PGCKA1: variants seen among roughly 807,000 people sequenced by gnomAD.
The protein encoded by PGCKA1 is PDCD10 and GCKIII kinases-associated protein 1.
At chr4:37,577,156 T>A in the PGCKA1 span, among the ~76,000 whole-genome samples, 1 of 152,162 alleles carries the variant, frequency 6.6e-6, no homozygotes, top group Non-Finnish European at 1.5e-5. Flanking sequence ...TGAGTAGGAT[T>A]GGTATTAGTT....
chr4:37,550,956 T>G, the PGCKA1 span, among the ~76,000 whole-genome samples: 1 of 152,094 alleles, frequency 6.6e-6, no homozygotes. Context: ...AAGAAAAAAT[T>G]CACTCATTCT....
At chr4:37,471,856 G>A in the PGCKA1 span, among the ~76,000 whole-genome samples, 3 of 152,100 alleles carry the variant, frequency 2.0e-5, no homozygotes, top group Admixed American at 2.0e-4. Context: ...TTCATTCTGG[G>A]GGCAAGAAAC....
the PGCKA1 span, among the ~76,000 whole-genome samples, chr4:37,569,876 C>T: frequency 6.6e-6 from 1 of 152,050 alleles, no homozygotes; most frequent in Non-Finnish European, 1.5e-5. Context: ...CCGTCAAAGC[C>T]AGCGCTAGAC....
the PGCKA1 span, among the ~76,000 whole-genome samples, chr4:37,477,571 T>C: frequency 6.6e-6 from 1 of 152,178 alleles, no homozygotes; most frequent in African/African-American, 2.4e-5. Context: ...TCAATATAGC[T>C]GTTAAAAATA....
chr4:37,553,868 C>T, the PGCKA1 span, among the ~76,000 whole-genome samples: 1 of 152,296 alleles, frequency 6.6e-6, no homozygotes, highest in African/African-American at 2.4e-5. Flanking sequence ...GAAACCATGG[C>T]TTTCTCTACT....
chr4:37,553,577 T>TATGTA, the PGCKA1 span, among the ~76,000 whole-genome samples: 53 of 152,358 alleles, frequency 3.5e-4, no homozygotes, highest in African/African-American at 1.3e-3. Context: ...ACCATTATCT[T>TATGTA]ACGTAACACA....
At chr4:37,567,090 A>G in the PGCKA1 span, among the ~76,000 whole-genome samples, 4 of 152,322 alleles carry the variant, frequency 2.6e-5, no homozygotes, top group East Asian at 7.7e-4. Context: ...ATAAAATAAA[A>G]TAAACTTACT....
At chr4:37,522,688 A>C in the PGCKA1 span, among the ~76,000 whole-genome samples, 2 of 152,004 alleles carry the variant, frequency 1.3e-5, no homozygotes, top group Non-Finnish European at 2.9e-5. Flanking sequence ...TTCAGTTAGC[A>C]GGTGATGAAT....
chr4:37,570,405 C>A, the PGCKA1 span, among the ~76,000 whole-genome samples: 1 of 115,144 alleles, frequency 8.7e-6, no homozygotes. Context: ...AAAGACTGCC[C>A]AAAAGAGTAG....
the PGCKA1 span, among the ~76,000 whole-genome samples, chr4:37,572,065 T>TTTTTTTC: frequency 9.9e-6 from 1 of 101,310 alleles, no homozygotes; most frequent in Admixed American, 8.5e-5. Context: ...TTTTTTTTCT[T>TTTTTTTC]TTTTTTTTTT....
At chr4:37,560,228 T>C in the PGCKA1 span, among the ~76,000 whole-genome samples, 1 of 152,182 alleles carries the variant, frequency 6.6e-6, no homozygotes, top group Non-Finnish European at 1.5e-5. Flanking sequence ...TGGTCTTGCT[T>C]TTGTTCCCCC....
the PGCKA1 span, among the ~76,000 whole-genome samples, chr4:37,578,973 G>T: frequency 6.6e-6 from 1 of 152,138 alleles, no homozygotes; most frequent in African/African-American, 2.4e-5. Context: ...CAGGAGAATT[G>T]CTTGAACCTG....
chr4:37,515,164 C>T, the PGCKA1 span, among the ~76,000 whole-genome samples: 1 of 152,030 alleles, frequency 6.6e-6, no homozygotes, highest in Middle Eastern at 3.2e-3. Flanking sequence ...TAAAAGGGAT[C>T]CCAGAGAGCT....
the PGCKA1 span, among the ~76,000 whole-genome samples, chr4:37,515,492 A>G: frequency 1.3e-5 from 2 of 152,216 alleles, no homozygotes; most frequent in East Asian, 1.9e-4. Flanking sequence ...GGGAGAAACT[A>G]TCTTGGGTAT....
chr4:37,541,105 G>T, the PGCKA1 span, among the ~76,000 whole-genome samples: 3 of 152,102 alleles, frequency 2.0e-5, no homozygotes, highest in Admixed American at 6.5e-5. Context: ...AGTGAGTCCA[G>T]CATGTTCCCA....
chr4:37,593,103 G>A, the PGCKA1 span, among the ~76,000 whole-genome samples: 1 of 152,136 alleles, frequency 6.6e-6, no homozygotes, highest in Non-Finnish European at 1.5e-5. Flanking sequence ...ATAAAGTCTT[G>A]GCATTGTTAA....
the PGCKA1 span, among the ~76,000 whole-genome samples, chr4:37,500,381 A>T: frequency 4.6e-5 from 7 of 152,334 alleles, no homozygotes; most frequent in South Asian, 1.4e-3. Context: ...ACTTACCCAA[A>T]AGTCCTTCAG....
At chr4:37,553,965 T>C in the PGCKA1 span, among the ~76,000 whole-genome samples, 1 of 152,216 alleles carries the variant, frequency 6.6e-6, no homozygotes, top group Admixed American at 6.5e-5. Flanking sequence ...GCTATCCACC[T>C]TGATACAGTG....
chr4:37,553,949 A>G, the PGCKA1 span, among the ~76,000 whole-genome samples: 11 of 152,304 alleles, frequency 7.2e-5, no homozygotes, highest in South Asian at 2.3e-3. Flanking sequence ...ACGGAAAGTG[A>G]TCAGAGCTAT....
Sources: allele counts gnomAD v4.1 joint callset (sites outside exome capture counted in the v4.1 genomes callset), GRCh38; gene constraint gnomAD v4.1.1; transcripts MANE v1.5; gene names NCBI Gene and HGNC (gene_info 2026-07-23, HGNC 2026-07-21).